The following ZNF644 variants were observed in gnomAD, a reference collection of about 807,000 sequenced individuals.
ZNF644 encodes the protein zinc finger protein 644.
In ZNF644, 20 loss-of-function variants were observed where a neutral mutation model predicts 108.0. The observed-to-expected ratio is 0.19, with a 90% CI of 0.13 to 0.27. The LOEUF is 0.27. Among genes scored for constraint, ZNF644 ranks in the 10% least tolerant of loss-of-function variants. The pLI is 1.00. For missense variants in ZNF644, 1,338 were observed against 1,548.9 expected, an observed-to-expected ratio of 0.86 and a Z score of 2.29; for synonymous variants, 542 against 539.1, an observed-to-expected ratio of 1.01 and a Z score of -0.08.
intron 4 of ZNF644, among the ~76,000 whole-genome samples, chr1:90,920,937 C>T (rs372431940): frequency 6.6e-6 from 1 of 152,158 alleles, no homozygotes. Flanking sequence ...GAAACATGAA[C>T]ATATTTTACA....
At chr1:91,015,114 G>T (rs1660317656) in intron 1 of ZNF644, among the ~76,000 whole-genome samples, 1 of 152,090 alleles carries the variant, frequency 6.6e-6, no homozygotes, top group African/African-American at 2.4e-5. Flanking sequence ...AAGCATAAAT[G>T]AAAAACTTAC....
At chr1:91,017,415 G>A (rs902305356) in intron 1 of ZNF644, among the ~76,000 whole-genome samples, 3 of 152,242 alleles carry the variant, frequency 2.0e-5, no homozygotes, top group African/African-American at 7.2e-5. Context: ...TCCCAGAAAC[G>A]CTAATCTTAA....
intron 1 of ZNF644, among the ~76,000 whole-genome samples, chr1:90,998,130 G>A (rs1222491232): frequency 6.6e-6 from 1 of 152,214 alleles, no homozygotes; most frequent in African/African-American, 2.4e-5. Context: ...GCAGGGCACA[G>A]CCGAACAAAA....
chr1:90,966,536 T>C (rs1654912882), intron 2 of ZNF644, among the ~76,000 whole-genome samples: 1 of 151,882 alleles, frequency 6.6e-6, no homozygotes, highest in East Asian at 1.9e-4. Context: ...GATCACCTGA[T>C]GTCAGGAGTT....
intron 1 of ZNF644, among the ~76,000 whole-genome samples, chr1:90,995,226 G>T (rs1362247047): frequency 6.6e-6 from 1 of 151,786 alleles, no homozygotes; most frequent in Admixed American, 6.6e-5. Flanking sequence ...AAAAGAAAAA[G>T]CTGAAAAATA....
intron 2 of ZNF644, among the ~76,000 whole-genome samples, chr1:90,942,212 A>AC (rs1652063167): frequency 2.0e-5 from 3 of 152,198 alleles, no homozygotes; most frequent in African/African-American, 7.2e-5. Context: ...GAATAGCATA[A>AC]ACATATGTTT....
intron 2 of ZNF644, among the ~76,000 whole-genome samples, chr1:90,970,942 G>A (rs1655392051): frequency 7.0e-6 from 1 of 143,572 alleles, no homozygotes; most frequent in Non-Finnish European, 1.5e-5. Flanking sequence ...GGAGATTACA[G>A]TGAGCCGAGA....
chr1:90,979,601 G>A (rs1172853584), intron 2 of ZNF644, among the ~76,000 whole-genome samples: 1 of 152,152 alleles, frequency 6.6e-6, no homozygotes, highest in African/African-American at 2.4e-5. Context: ...TGTTATCACA[G>A]TTCCAGGCTA....
chr1:90,960,206 A>G (rs1245219738), intron 2 of ZNF644, among the ~76,000 whole-genome samples: 4 of 152,162 alleles, frequency 2.6e-5, no homozygotes, highest in African/African-American at 9.6e-5. Flanking sequence ...AAAGTTCTCA[A>G]TAAGAAGAGA....
intron 2 of ZNF644, among the ~76,000 whole-genome samples, chr1:90,974,368 T>C (rs1655791340): frequency 6.6e-6 from 1 of 152,136 alleles, no homozygotes. Context: ...GATTTCACGC[T>C]GATGATTCTC....
At chr1:90,950,398 G>GT (rs1233262379) in intron 2 of ZNF644, among the ~76,000 whole-genome samples, 2 of 150,124 alleles carry the variant, frequency 1.3e-5, no homozygotes, top group African/African-American at 4.9e-5. Flanking sequence ...ATTGTTAGTA[G>GT]TTTTTTTAAT....
intron 1 of ZNF644, among the ~76,000 whole-genome samples, chr1:91,004,691 G>T (rs1470804043): frequency 1.3e-5 from 2 of 152,088 alleles, no homozygotes; most frequent in Non-Finnish European, 2.9e-5. Flanking sequence ...GGCAATAACA[G>T]CACGAAGGAA....
intron 2 of ZNF644, among the ~76,000 whole-genome samples, chr1:90,964,246 G>A (rs542330175): frequency 6.6e-6 from 1 of 151,760 alleles, no homozygotes; most frequent in Non-Finnish European, 1.5e-5. Flanking sequence ...AATTTCTTAA[G>A]TTTATATAAG....
chr1:90,977,042 TA>T (rs759547744), intron 2 of ZNF644, among the ~76,000 whole-genome samples: 270 of 144,824 alleles, frequency 1.9e-3, no homozygotes, highest in African/African-American at 4.1e-3. Context: ...ATTAAATACT[TA>T]AAAAAAAAAA....
chr1:90,924,759 T>C (rs1172427132), intron 4 of ZNF644, among the ~76,000 whole-genome samples: 2 of 152,160 alleles, frequency 1.3e-5, no homozygotes, highest in Non-Finnish European at 2.9e-5. Context: ...ATTTTCTGTT[T>C]TAGCCAACTT....
Position 90,938,221 on chromosome 1 carries a change from A to G in ZNF644, c.3082+51T>C. The G allele has an allele frequency of 1.2e-6, 2 of 1,613,254 alleles. No individual in the cohort carries two copies. The highest frequency in any genetic ancestry group is 1.7e-6 in the Non-Finnish European group (2 of 1,179,550). The stretch of plus-strand genomic sequence containing the variant: ...ATTCAAAAAAAACTTTTAAATCTTC[A>G]GAATTAGAACACAGACCTATCAGCC... On this transcript the variant is annotated intron_variant, in intron 3 of 5. Transcript: ENST00000337393. This position sits in a 1 kb window ranked among gnomAD's most constrained non-coding sequence, Gnocchi z 4.2.
intron 2 of ZNF644, among the ~76,000 whole-genome samples, chr1:90,976,876 T>C (rs1228806552): frequency 6.6e-6 from 1 of 152,012 alleles, no homozygotes; most frequent in Non-Finnish European, 1.5e-5. Context: ...TTTAAACATA[T>C]CTAGGAATAA....
chr1:90,970,810 G>T (rs1348523021), intron 2 of ZNF644, among the ~76,000 whole-genome samples: 1 of 151,952 alleles, frequency 6.6e-6, no homozygotes, highest in Non-Finnish European at 1.5e-5. Context: ...GACCATCCTG[G>T]CCAACATGGT....
intron 1 of ZNF644, 133 bp from the exon 2 acceptor site, chr1:90,982,503 C>G (rs1455575484): frequency 1.6e-6 from 1 of 643,256 alleles, no homozygotes; most frequent in African/African-American, 1.8e-5. Context: ...CATAAAAAAA[C>G]CATTCAACCA....
Sources: allele counts gnomAD v4.1 joint callset (sites outside exome capture counted in the v4.1 genomes callset), GRCh38; gene constraint gnomAD v4.1.1; non-coding constraint Gnocchi (gnomAD v3.1); transcripts MANE v1.5; gene names NCBI Gene and HGNC (gene_info 2026-07-23, HGNC 2026-07-21).